CYP4F3: variants seen among roughly 807,000 people sequenced by gnomAD.
The protein encoded by CYP4F3 is cytochrome P450 4F3.
In CYP4F3, 50 loss-of-function variants were observed where a neutral mutation model predicts 54.8. The ratio of observed to expected loss-of-function variants is 0.91; its 90% CI spans 0.73 to 1.16. CYP4F3 has a LOEUF of 1.16. Among genes scored for constraint, CYP4F3 ranks in the 50% most tolerant of loss-of-function variants. The pLI is 0.00. For missense variants in CYP4F3, 715 were observed against 676.2 expected (o/e 1.06, Z -0.64); for synonymous variants, 244 against 262.6 (o/e 0.93, Z 0.69).
chr19:15,658,702 C>A (rs769100988), intron 11 of CYP4F3, 25 bp from the exon 12 acceptor site: 2 of 1,613,294 alleles, frequency 1.2e-6, no homozygotes, highest in Non-Finnish European at 1.7e-6. Context: ...CCCCACCCGG[C>A]AACCCTTCTT....
intron 9 of CYP4F3, among the ~76,000 whole-genome samples, chr19:15,657,911 G>T (rs1973070190): frequency 6.6e-6 from 1 of 151,972 alleles, no homozygotes; most frequent in Admixed American, 6.6e-5. Flanking sequence ...AACTTTTGGA[G>T]GGTACTTTTG....
At chr19:15,647,354 G>T (rs2144642891) in intron 5 of CYP4F3, 30 bp downstream of exon 5, 3 of 1,613,460 alleles carry the variant, frequency 1.9e-6, no homozygotes, top group East Asian at 4.5e-5. Flanking sequence ...GGTCCCAGCT[G>T]CAGCCTTTGG....
chr19:15,645,713 C>G lies in CYP4F3; in HGVS notation c.199-6C>G. 3.1e-6 allele frequency: 5 copies of G among 1,602,462 alleles called. No individual in the cohort carries two copies. Among genetic ancestry groups the G allele is most frequent in the Middle Eastern group, 3.3e-4 (2 of 6,010 alleles). On this transcript the variant is annotated splice_polypyrimidine_tract_variant and splice_region_variant and intron_variant, in intron 2 of 12. Coordinates refer to ENST00000221307, the MANE Select transcript of CYP4F3 (RefSeq NM_000896.3). ...CATGAATTGGGTCCTGTGTCTTTCT[C>G]TCCAGATTCACAGCTCGGAGGAAGG...
chr19:15,649,089 G>T, intron 5 of CYP4F3, 71 bp from the exon 6 acceptor site: 1 of 1,596,758 alleles, frequency 6.3e-7, no homozygotes, highest in Non-Finnish European at 8.5e-7. Context: ...CGTGCATATT[G>T]ATTGTTGGGG....
rs1025114431 is a variant in CYP4F3, at chr19:15,660,317, A to G, written c.*932A>G. ...TTCTTCATCAAATGACTTTTGGAGT[A>G]GAGATTTTATTTTTATAGCAATAGA... On this transcript the variant is annotated 3_prime_UTR_variant, in exon 13 of 13. Coordinates refer to ENST00000221307, the MANE Select transcript of CYP4F3 (RefSeq NM_000896.3). 4 of 152,154 alleles carry G rather than the reference A, an allele frequency of 2.6e-5. No individual in the cohort carries two copies. The highest frequency in any genetic ancestry group is 9.7e-5 in the African/African-American group (4 of 41,438). The allele number at this position is 152,154 out of a possible 1,614,324, so 9.4% of individuals were successfully genotyped here. A position where few individuals can be genotyped will look rare whatever the true frequency, so the allele number is the denominator to read the frequency against.
rs937918916 is a variant in CYP4F3 at position 15,652,712 on chromosome 19, A to G, written c.985+77A>G. On this transcript the variant is annotated intron_variant, in intron 8 of 12. Transcript: ENST00000221307. ...GGAACAGGGTGGGTGGACCCCTCGC[A>G]CTTCCCATCCCCCTTCCCCCATCCT... 4.3e-6 allele frequency: 7 copies of G among 1,610,380 alleles called. No homozygotes were observed. In the Admixed American group the frequency reaches 1.2e-4, roughly 27 times the overall value.
chr19:15,658,866 A>G (rs1256974732), intron 12 of CYP4F3, 57 bp downstream of exon 12: 44 of 1,586,028 alleles, frequency 2.8e-5, no homozygotes, highest in Non-Finnish European at 1.4e-5. Context: ...GGGTCTGGGC[A>G]TGACAGTGGG....
intron 7 of CYP4F3, among the ~76,000 whole-genome samples, chr19:15,650,866 C>CTTTG (rs1230234590): frequency 0.024 from 1,128 of 47,104 alleles, 306 homozygotes; most frequent in East Asian, 0.028. Flanking sequence ...TTCTTTCTTT[C>CTTTG]TTTTTCTCTC....
chr19:15,645,553 C>T (rs771455642), intron 2 of CYP4F3, among the ~76,000 whole-genome samples, 166 bp from the exon 3 acceptor site: 10 of 152,276 alleles, frequency 6.6e-5, no homozygotes, highest in African/African-American at 2.2e-4. Context: ...ACTGGAGAGT[C>T]CTGCATGGAG....
Position 15,649,954 on chromosome 19 carries a change from C to T in CYP4F3, c.689C>T (p.Ala230Val), listed in dbSNP as rs1203495612. ...ATTGCCGCCATCTTGGAGCTCAGTG[C>T]CCTTGTGACAAAAAGACACCAGCAG... ...EYIAAILELS[A>V]LVTKRHQQIL... The change falls in exon 7 of 13, where the codon GCC (alanine) becomes GTC (valine). Residue 230 changes from alanine (A) to valine (V), a missense_variant. By Grantham distance (64) the Ala-to-Val change is moderately conservative (BLOSUM62 0). Coordinates refer to ENST00000221307, the MANE Select transcript of CYP4F3 (RefSeq NM_000896.3). The T allele has an allele frequency of 8.1e-6, 13 of 1,614,126 alleles. No homozygotes were observed. The highest frequency in any genetic ancestry group is 1.1e-5 in the Non-Finnish European group (13 of 1,180,008).
At chr19:15,652,162 C>T (rs1317899074) in intron 7 of CYP4F3, among the ~76,000 whole-genome samples, 1 of 152,102 alleles carries the variant, frequency 6.6e-6, no homozygotes, top group Non-Finnish European at 1.5e-5. Flanking sequence ...TCAAATGTCT[C>T]CAGGGAGATA....
chr19:15,653,119 C>T (rs2683040), intron 9 of CYP4F3, among the ~76,000 whole-genome samples, 167 bp downstream of exon 9: 1 of 151,904 alleles, frequency 6.6e-6, no homozygotes, highest in South Asian at 2.1e-4. Flanking sequence ...ACTGTCTGGG[C>T]AAAGGTTATA....
At chr19:15,655,397 T>G (rs756411066) in intron 9 of CYP4F3, among the ~76,000 whole-genome samples, 4 of 152,174 alleles carry the variant, frequency 2.6e-5, no homozygotes, top group Non-Finnish European at 4.4e-5. Context: ...CATTTCTCTA[T>G]TGGCTCTGCT....
chr19:15,661,619 A>T lies in CYP4F3; in HGVS notation c.*2234A>T, dbSNP rs1325212055. The T allele has an allele frequency of 6.6e-6, 1 of 152,062 alleles. No individual in the cohort carries two copies. The highest frequency in any genetic ancestry group is 2.4e-5 in the African/African-American group (1 of 41,398). 9.4% of individuals were successfully genotyped at this position (152,062 alleles called of 1,614,324 possible). A position where few individuals can be genotyped will look rare whatever the true frequency, so the allele number is the denominator to read the frequency against. On this transcript the variant is annotated 3_prime_UTR_variant, in exon 13 of 13. Coordinates refer to ENST00000221307, the MANE Select transcript of CYP4F3 (RefSeq NM_000896.3). Reference sequence around the variant, plus strand: ...TTTTCCTTCGGTTGTTTGCCTTCTTATTGTTGGATTTTGAGAGTTCTATGT... The same window carrying T: ...TTTTCCTTCGGTTGTTTGCCTTCTTTTTGTTGGATTTTGAGAGTTCTATGT...
At chr19:15,645,897 T>C (rs1372539210) in intron 3 of CYP4F3, 34 bp downstream of exon 3, 1 of 1,560,556 alleles carries the variant, frequency 6.4e-7, no homozygotes, top group Non-Finnish European at 8.7e-7. Context: ...AGGTAGACAC[T>C]GCACTGGCCA....
intron 2 of CYP4F3, among the ~76,000 whole-genome samples, chr19:15,642,771 C>T (rs1018981266): frequency 6.7e-6 from 1 of 150,278 alleles, no homozygotes; most frequent in Non-Finnish European, 1.5e-5. Flanking sequence ...TGGATGGATG[C>T]ACAGATAGGG....
Position 15,641,466 on chromosome 19 carries a change from C to G in CYP4F3, c.51C>G (p.Ser17=), listed in dbSNP as rs1367043690. The G allele has an allele frequency of 6.2e-7, 1 of 1,614,084 alleles. No homozygotes were observed. The highest frequency in any genetic ancestry group is 8.5e-7 in the Non-Finnish European group (1 of 1,180,048). Residue 17 remains serine (S), a synonymous_variant, in exon 2 of 13, where the codon TCC becomes TCG. Coordinates refer to ENST00000221307, the MANE Select transcript of CYP4F3 (RefSeq NM_000896.3). The stretch of plus-strand genomic sequence containing the variant: ...TGGGCCTTTGGCCAATGGCAGCATC[C>G]CCGTGGCTGCTCCTGCTGCTGGTTG... ...SSLGLWPMAA[S]PWLLLLLVGA... is the part of the protein sequence containing the mutation.
chr19:15,649,309 C>T (rs778876898), intron 6 of CYP4F3, 28 bp downstream of exon 6: 31 of 1,611,670 alleles, frequency 1.9e-5, no homozygotes, highest in Admixed American at 3.3e-5. Context: ...GTCTGGGATC[C>T]TGGGCCGTGG....
chr19:15,656,544 A>G (rs1000879941), intron 9 of CYP4F3, among the ~76,000 whole-genome samples: 32 of 126,986 alleles, frequency 2.5e-4, no homozygotes, highest in African/African-American at 8.0e-4. Context: ...CTATCAATGT[A>G]TCTATCATTG....
Sources: allele counts gnomAD v4.1 joint callset (sites outside exome capture counted in the v4.1 genomes callset), GRCh38; gene constraint gnomAD v4.1.1; transcripts MANE v1.5; gene names NCBI Gene and HGNC (gene_info 2026-07-23, HGNC 2026-07-21).